GABPA: variants seen among roughly 807,000 people sequenced by gnomAD.
GABPA encodes the protein GA binding protein transcription factor subunit alpha.
Under a neutral mutation model 59.4 loss-of-function variants are expected in GABPA, and 4 were observed. The observed-to-expected ratio is 0.07, with a 90% CI of 0.03 to 0.15. GABPA has a LOEUF of 0.15. GABPA is among the 10% of genes least tolerant of loss of function. GABPA has a pLI of 1.00. For synonymous variants in GABPA, 164 were observed against 183.1 expected (o/e 0.90, Z 0.84); for missense variants, 251 against 543.8 (o/e 0.46, Z 5.36).
At chr21:25,747,337 T>A (rs2035393482) in intron 3 of GABPA, among the ~76,000 whole-genome samples, 1 of 152,244 alleles carries the variant, frequency 6.6e-6, no homozygotes, top group South Asian at 2.1e-4. Flanking sequence ...TTGCTTTCTT[T>A]ATAACACTTG....
intron 1 of GABPA, among the ~76,000 whole-genome samples, chr21:25,737,795 ATTTTT>A: frequency 6.6e-6 from 1 of 152,132 alleles, no homozygotes; most frequent in African/African-American, 2.4e-5. Flanking sequence ...AAAATAAGTG[ATTTTT>A]TTTAAGTGCT....
intron 4 of GABPA, among the ~76,000 whole-genome samples, chr21:25,750,337 T>C (rs1469634127): frequency 6.6e-6 from 1 of 152,196 alleles, no homozygotes; most frequent in South Asian, 2.1e-4. Context: ...GGCCTGGGGT[T>C]TGGGGACCTC....
At chr21:25,752,888 A>G (rs780162454) in intron 5 of GABPA, among the ~76,000 whole-genome samples, 9 of 152,198 alleles carry the variant, frequency 5.9e-5, no homozygotes, top group East Asian at 1.9e-4. Flanking sequence ...GATAATGTCT[A>G]CATTAGCCCA....
intron 1 of GABPA, among the ~76,000 whole-genome samples, chr21:25,736,130 T>C (rs1428126196): frequency 2.0e-5 from 3 of 152,178 alleles, no homozygotes; most frequent in African/African-American, 7.2e-5. Flanking sequence ...GAGATAACAA[T>C]GGGTTGTCTA....
At chr21:25,754,817 T>G (rs2035594978) in intron 5 of GABPA, among the ~76,000 whole-genome samples, 1 of 152,100 alleles carries the variant, frequency 6.6e-6, no homozygotes, top group African/African-American at 2.4e-5. Flanking sequence ...TTTGGGAGGC[T>G]GAGGCAGGTG....
intron 1 of GABPA, among the ~76,000 whole-genome samples, chr21:25,741,222 G>T (rs556897460): frequency 6.6e-6 from 1 of 152,132 alleles, no homozygotes; most frequent in East Asian, 1.9e-4. Flanking sequence ...CAGCCTCCTG[G>T]GCTCAGGTGA....
Position 25,769,973 on chromosome 21 carries a change from T to C in GABPA, c.*741T>C, listed in dbSNP as rs1601162654. 6.6e-6 allele frequency: 1 copy of C among 152,602 alleles called. No homozygotes were observed. The highest frequency in any genetic ancestry group is 1.9e-4 in the East Asian group (1 of 5,202). The allele number at this position is 152,602 out of a possible 1,614,324, so 9.5% of individuals were successfully genotyped here. A position where few individuals can be genotyped will look rare whatever the true frequency, so the allele number is the denominator to read the frequency against. ...CATTTAATTCTAATAAACCAGCTGTTATAAAAATTATAAAATGATCTCTGT... is the reference window on the plus strand; with the variant it reads ...CATTTAATTCTAATAAACCAGCTGTCATAAAAATTATAAAATGATCTCTGT... On this transcript the variant is annotated 3_prime_UTR_variant, in exon 10 of 10. Transcript: ENST00000400075.
At chr21:25,762,412 T>C in intron 7 of GABPA, 47 bp downstream of exon 7, 1 of 1,292,378 alleles carries the variant, frequency 7.7e-7, no homozygotes, top group Admixed American at 2.3e-5. Flanking sequence ...AAGAAATGTT[T>C]ATTTGATACC....
intron 3 of GABPA, among the ~76,000 whole-genome samples, chr21:25,745,572 A>G (rs2035341040): frequency 6.6e-6 from 1 of 152,224 alleles, no homozygotes; most frequent in Admixed American, 6.5e-5. Flanking sequence ...CAAATGAAAC[A>G]TTTGTTTTTT....
intron 1 of GABPA, among the ~76,000 whole-genome samples, chr21:25,741,223 G>C (rs911123463): frequency 3.3e-5 from 5 of 152,080 alleles, no homozygotes; most frequent in African/African-American, 1.2e-4. Flanking sequence ...AGCCTCCTGG[G>C]CTCAGGTGAT....
intron 6 of GABPA, among the ~76,000 whole-genome samples, chr21:25,760,473 T>C (rs1471057552): frequency 6.6e-6 from 1 of 152,090 alleles, no homozygotes; most frequent in Non-Finnish European, 1.5e-5. Context: ...TCTTCAGATA[T>C]TTGTATGAGA....
chr21:25,757,106 T>G (rs1276965570), intron 5 of GABPA, among the ~76,000 whole-genome samples: 2 of 152,178 alleles, frequency 1.3e-5, no homozygotes, highest in Non-Finnish European at 2.9e-5. Context: ...AAATGTTATT[T>G]TTTTTCTACT....
intron 2 of GABPA, among the ~76,000 whole-genome samples, chr21:25,742,820 G>A (rs994185500): frequency 6.6e-6 from 1 of 151,808 alleles, no homozygotes; most frequent in Non-Finnish European, 1.5e-5. Flanking sequence ...TACTCTGGAG[G>A]CTGAGGTGAG....
At chr21:25,757,954 A>G in intron 5 of GABPA, 56 bp from the exon 6 acceptor site, 1 of 1,103,674 alleles carries the variant, frequency 9.1e-7, no homozygotes, top group Non-Finnish European at 1.3e-6. Context: ...AGTTAACTGT[A>G]AATTTACACA....
At chr21:25,747,625 G>A (rs1004709991) in intron 3 of GABPA, among the ~76,000 whole-genome samples, 3 of 152,174 alleles carry the variant, frequency 2.0e-5, no homozygotes, top group African/African-American at 7.2e-5. Context: ...CTTGAAAGCT[G>A]AGGGAACAAC....
In GABPA at chr21:25,745,285, A is replaced by G. The variant is rs1171438421; in HGVS notation, c.153A>G (p.Leu51=). ...ACATCAATGAACCAATAGGCAATTTAAAGAAACTGCTAGAACCAAGACTAC... is the reference window on the plus strand; with the variant it reads ...ACATCAATGAACCAATAGGCAATTTGAAGAAACTGCTAGAACCAAGACTAC... The part of the protein sequence containing the change: ...AIDINEPIGN[L]KKLLEPRLQC... Residue 51 remains leucine, a synonymous_variant, in exon 3 of 10, where the codon TTA becomes TTG. Coordinates refer to ENST00000400075, the MANE Select transcript of GABPA (RefSeq NM_002040.4). 1.9e-6 allele frequency: 3 copies of G among 1,613,868 alleles called. No individual in the cohort carries two copies. Among genetic ancestry groups the G allele is most frequent in the Admixed American group, 1.7e-5 (1 of 60,020 alleles).
At chr21:25,747,649 T>A (rs1168788130) in intron 3 of GABPA, among the ~76,000 whole-genome samples, 1 of 152,210 alleles carries the variant, frequency 6.6e-6, no homozygotes, top group Non-Finnish European at 1.5e-5. Context: ...TAAGTTGCAC[T>A]TTTTTGAAGA....
At chr21:25,737,719 AT>A (rs1484885911) in intron 1 of GABPA, among the ~76,000 whole-genome samples, 2 of 152,172 alleles carry the variant, frequency 1.3e-5, no homozygotes, top group Non-Finnish European at 2.9e-5. Context: ...TTTCCAGAAA[AT>A]TTATGTTTTC....
chr21:25,752,231 T>C lies in GABPA; in HGVS notation c.550T>C (p.Tyr184His). Residue 184 changes from tyrosine to histidine, a missense_variant, in exon 5 of 10, where the codon TAT (tyrosine) becomes CAT (histidine). Tyr to His is a moderately conservative substitution (Grantham distance 83, BLOSUM62 2). Coordinates refer to ENST00000400075, the MANE Select transcript of GABPA (RefSeq NM_002040.4). ...RKEQERLGIP[Y>H]DPIQWSTDQV... The stretch of plus-strand genomic sequence containing the variant: ...AGAACAAGAACGCCTTGGGATACCC[T>C]ATGGTAATAAAATGCATAATTCTAT... 1 of 1,613,248 alleles carries C rather than the reference T, an allele frequency of 6.2e-7. No individual in the cohort carries two copies. Among genetic ancestry groups the C allele is most frequent in the Non-Finnish European group, 8.5e-7 (1 of 1,179,530 alleles).
Sources: allele counts gnomAD v4.1 joint callset (sites outside exome capture counted in the v4.1 genomes callset), GRCh38; gene constraint gnomAD v4.1.1; transcripts MANE v1.5; gene names NCBI Gene and HGNC (gene_info 2026-07-23, HGNC 2026-07-21).